ADCY2: variants seen among roughly 807,000 people sequenced by gnomAD.
ADCY2 encodes the protein adenylate cyclase type 2.
A neutral mutation model predicts 125.2 loss-of-function variants in ADCY2; 31 were observed. That is an observed-to-expected ratio of 0.25 (90% CI 0.19 to 0.33). The LOEUF is 0.33. Among genes scored for constraint, ADCY2 ranks in the 10% least tolerant of loss-of-function variants. The probability of loss-of-function intolerance (pLI) is 1.00; values close to 1 mark genes in which losing one functional copy is unlikely to be tolerated. For missense variants in ADCY2, 904 were observed against 1,418.2 expected (o/e 0.64, Z 5.82); for synonymous variants, 512 against 548.4 (o/e 0.93, Z 0.93).
chr5:7,445,030 CCA>C (rs1426059047), intron 2 of ADCY2, among the ~76,000 whole-genome samples: 1 of 152,114 alleles, frequency 6.6e-6, no homozygotes, highest in East Asian at 1.9e-4. Flanking sequence ...AAGATTTTCC[CCA>C]GTTTTTACCT....
chr5:7,786,301 G>GTAC, intron 19 of ADCY2, among the ~76,000 whole-genome samples: 2 of 152,294 alleles, frequency 1.3e-5, no homozygotes, highest in Middle Eastern at 6.8e-3. Flanking sequence ...CAGTGCTTTA[G>GTAC]TACTCCCTTC....
intron 4 of ADCY2, among the ~76,000 whole-genome samples, chr5:7,659,317 G>A (rs1739447081): frequency 6.6e-6 from 1 of 152,218 alleles, no homozygotes; most frequent in South Asian, 2.1e-4. Flanking sequence ...TTTAAGATGA[G>A]ATTTGGCATA....
intron 18 of ADCY2, among the ~76,000 whole-genome samples, chr5:7,779,817 A>G (rs1032081423): frequency 1.3e-5 from 2 of 152,190 alleles, no homozygotes; most frequent in African/African-American, 2.4e-5. Context: ...TCCAAGCCAG[A>G]GAGGAGAGAA....
At chr5:7,790,051 A>AT (rs1215165576) in intron 20 of ADCY2, among the ~76,000 whole-genome samples, 7 of 152,130 alleles carry the variant, frequency 4.6e-5, no homozygotes, top group East Asian at 1.9e-4. Flanking sequence ...ATTATTAGAG[A>AT]TTTTTTCCCC....
At chr5:7,825,073 T>C (rs1421654421) in intron 24 of ADCY2, among the ~76,000 whole-genome samples, 1 of 152,040 alleles carries the variant, frequency 6.6e-6, no homozygotes, top group South Asian at 2.1e-4. Flanking sequence ...ACAATGCTGC[T>C]GTGTGCCATA....
At chr5:7,561,746 C>T (rs746504721) in intron 3 of ADCY2, among the ~76,000 whole-genome samples, 1 of 152,186 alleles carries the variant, frequency 6.6e-6, no homozygotes, top group African/African-American at 2.4e-5. Flanking sequence ...ATACACGTCA[C>T]TGTGTTGGGG....
intron 14 of ADCY2, among the ~76,000 whole-genome samples, chr5:7,728,736 A>G (rs1472269265): frequency 6.6e-6 from 1 of 152,062 alleles, no homozygotes; most frequent in Non-Finnish European, 1.5e-5. Flanking sequence ...AGATTCATTA[A>G]TTTTTCTACA....
intron 1 of ADCY2, among the ~76,000 whole-genome samples, chr5:7,413,904 A>G (rs1739833457): frequency 6.6e-6 from 1 of 152,224 alleles, no homozygotes; most frequent in African/African-American, 2.4e-5. Context: ...ATTAGTAAGA[A>G]GTGAATAATA....
intron 1 of ADCY2, among the ~76,000 whole-genome samples, chr5:7,402,950 G>A (rs951698878): frequency 2.0e-5 from 3 of 152,032 alleles, no homozygotes; most frequent in Non-Finnish European, 4.4e-5. Flanking sequence ...TATTGTAATG[G>A]GAGCCCTGCC....
intron 4 of ADCY2, among the ~76,000 whole-genome samples, chr5:7,667,967 C>G (rs1326689926): frequency 6.6e-6 from 1 of 152,142 alleles, no homozygotes; most frequent in Non-Finnish European, 1.5e-5. Context: ...ATGGGCTACT[C>G]TCCTGGAGAA....
At chr5:7,691,465 C>T (rs537268072) in intron 5 of ADCY2, 1 of 152,312 alleles carries the variant, frequency 6.6e-6, no homozygotes, top group Admixed American at 6.5e-5. Context: ...AACATGTTAT[C>T]ATCATGGGAT....
At chr5:7,493,952 C>A (rs562880689) in intron 2 of ADCY2, among the ~76,000 whole-genome samples, 15 of 152,124 alleles carry the variant, frequency 9.9e-5, no homozygotes, top group Admixed American at 5.2e-4. Flanking sequence ...GCTCTCTCCC[C>A]GGTCCCGGTG....
At chr5:7,696,627 C>T (rs1362528066) in intron 6 of ADCY2, among the ~76,000 whole-genome samples, 2 of 152,212 alleles carry the variant, frequency 1.3e-5, no homozygotes. Flanking sequence ...ATTATGCCTA[C>T]TAATATCAGT....
chr5:7,549,152 G>T (rs1490865137), intron 3 of ADCY2, among the ~76,000 whole-genome samples: 1 of 152,224 alleles, frequency 6.6e-6, no homozygotes, highest in East Asian at 1.9e-4. Context: ...TGAAGCAGGA[G>T]TGGTGAGGTG....
chr5:7,630,788 C>CT (rs149391909), intron 4 of ADCY2, among the ~76,000 whole-genome samples: 6,821 of 132,130 alleles, frequency 0.052, 629 homozygotes, highest in African/African-American at 0.17. Flanking sequence ...CTCTCCTTGT[C>CT]TTTTTTTTTT....
In ADCY2 at chr5:7,709,295, C is replaced by G; in HGVS notation, c.1486C>G (p.Arg496Gly). Residue 496 changes from arginine to glycine, a missense_variant, in exon 10 of 25, where the codon CGG becomes GGG. By Grantham distance (125) the Arg-to-Gly change is moderately radical. Around this residue, in one of 7 missense-constraint regions of ADCY2, gnomAD observed 144 missense variants for 227.7 expected, o/e 0.63. Coordinates refer to ENST00000338316, the MANE Select transcript of ADCY2 (RefSeq NM_020546.3). This position sits in a 1 kb window ranked among gnomAD's most constrained non-coding sequence, Gnocchi z 4.4. ...AKMRASVRMT[R>G]YLESWGAAKP... ...AATGAGGGCCTCGGTCCGCATGACC[C>G]GGTACTTGGAGTCCTGGGGGGCAGC... The G allele has an allele frequency of 6.2e-7, 1 of 1,613,922 alleles. No individual in the cohort carries two copies. Among genetic ancestry groups the G allele is most frequent in the Non-Finnish European group, 8.5e-7 (1 of 1,179,942 alleles).
chr5:7,585,459 C>A (rs537981874), intron 3 of ADCY2, among the ~76,000 whole-genome samples: 1 of 152,284 alleles, frequency 6.6e-6, no homozygotes, highest in East Asian at 1.9e-4. Context: ...TCACTGGCTT[C>A]TTCAGGCAAA....
intron 2 of ADCY2, among the ~76,000 whole-genome samples, chr5:7,432,118 GT>G: frequency 6.6e-6 from 1 of 152,226 alleles, no homozygotes; most frequent in East Asian, 1.9e-4. Context: ...CTGTCTGACA[GT>G]GTAGCTTTGG....
rs1308911540 is a variant in ADCY2 at position 7,767,984 on chromosome 5, TCGTGCCACTGCACTCCAG to T, written c.2214+1180_2214+1197del. On this transcript the variant is annotated intron_variant, in intron 17 of 24. Transcript: ENST00000338316. ...AGGCAGAGCTTGCAGTAAGCCAAGA[TCGTGCCACTGCACTCCAG>T]CCTGGGCGACAGAGTGAGATTCTGT... Among the ~76,000 whole-genome samples, 15 of 151,766 alleles carry T rather than the reference TCGTGCCACTGCACTCCAG, an allele frequency of 9.9e-5. No homozygotes were observed. In the East Asian group the frequency reaches 2.7e-3, roughly 27 times the overall value.
Sources: gnomAD v4.1 joint callset for allele counts (sites outside exome capture counted in the v4.1 genomes callset) on GRCh38, gnomAD v4.1.1 for gene constraint, gnomAD v4.1.1 regional missense constraint, Gnocchi (gnomAD v3.1) non-coding constraint, MANE v1.5 for transcripts, NCBI Gene and HGNC (gene_info 2026-07-23, HGNC 2026-07-21) for gene names.